PRH1: variants seen among roughly 807,000 people sequenced by gnomAD.
PRH1 encodes the protein proline rich protein HaeIII subfamily 1.
In PRH1, 7 loss-of-function variants were observed where a neutral mutation model predicts 7.9. The observed-to-expected ratio is 0.89, with a 90% CI of 0.50 to 1.67. The LOEUF is 1.67. Among genes scored for constraint, PRH1 ranks in the 40% most tolerant of loss-of-function variants. PRH1 has a pLI of 0.00. For missense variants in PRH1, 109 were observed against 223.6 expected, an observed-to-expected ratio of 0.49 and a Z score of 3.27; for synonymous variants, 45 against 80.8, an observed-to-expected ratio of 0.56 and a Z score of 2.38.
At chr12:11,061,361 G>A (rs755574779) in intron 1 of PRH1, 47 of 1,610,088 alleles carry the variant, frequency 2.9e-5, no homozygotes, top group Non-Finnish European at 3.7e-5. Flanking sequence ...CTGCTCTTGT[G>A]AATCTATGAA....
chr12:10,960,443 G>A (rs1938185254), intron 2 of PRH1, among the ~76,000 whole-genome samples: 1 of 152,230 alleles, frequency 6.6e-6, no homozygotes, highest in African/African-American at 2.4e-5. Flanking sequence ...ATGCTCTCTA[G>A]GATGTGGTAC....
At chr12:11,066,341 A>G (rs1415303245) in intron 1 of PRH1, among the ~76,000 whole-genome samples, 1 of 152,142 alleles carries the variant, frequency 6.6e-6, no homozygotes, top group Non-Finnish European at 1.5e-5. Flanking sequence ...CATAAAATGT[A>G]TCATTTGCTT....
At position 10,930,248 on chromosome 12, in the gene PRH1, C is replaced by T. The variant is rs369003453; in HGVS notation, c.-59+43407G>A. On this transcript the variant is annotated intron_variant, in intron 2 of 3. Transcript: ENST00000539853. ...TGATTCATGCAGTAACTTTTCCCATCATCCTGTACTTCTTTTCTAGATGTC... is the reference window on the plus strand; with the variant it reads ...TGATTCATGCAGTAACTTTTCCCATTATCCTGTACTTCTTTTCTAGATGTC... 99 of 1,612,032 alleles carry T rather than the reference C, an allele frequency of 6.1e-5. No homozygotes were observed. In the African/African-American group the frequency reaches 9.6e-4, roughly 16 times the overall value.
In PRH1 at chr12:10,899,703, C is replaced by T. The variant is rs140025021; in HGVS notation, c.-58-15428G>A. On this transcript the variant is annotated intron_variant, in intron 2 of 3. Coordinates refer to the PRH1 transcript ENST00000539853. ...AATGCCATGCTTCTTGTACAGCCTG[C>T]GGAACCATGAACTAAATAAACCTCT... Among the ~76,000 whole-genome samples the T allele has an allele frequency of 4.7e-4, 71 of 152,264 alleles. 1 individual carries two copies. Among genetic ancestry groups the T allele is most frequent in the Admixed American group, 2.5e-3 (38 of 15,292 alleles).
chr12:11,004,440 G>A (rs371551019), intron 1 of PRH1, among the ~76,000 whole-genome samples: 1 of 152,068 alleles, frequency 6.6e-6, no homozygotes, highest in East Asian at 1.9e-4. Context: ...CGGAGGCGGA[G>A]GTTGCGGTGA....
intron 1 of PRH1, among the ~76,000 whole-genome samples, chr12:11,113,615 G>C (rs145696441): frequency 0.29 from 44,036 of 152,078 alleles, 8,249 homozygotes; most frequent in East Asian, 0.74. Context: ...AAAAACCCTA[G>C]AAGAAAACCT....
At chr12:11,166,918 G>A (rs983687165) in intron 1 of PRH1, among the ~76,000 whole-genome samples, 17 of 152,066 alleles carry the variant, frequency 1.1e-4, no homozygotes, top group Non-Finnish European at 7.4e-5. Context: ...CCTTGGTTTG[G>A]GGCCTCCTTC....
chr12:10,930,286 G>T (rs776898585), intron 2 of PRH1: 1 of 1,613,216 alleles, frequency 6.2e-7, no homozygotes. Flanking sequence ...CCAAGAAGAC[G>T]TTCCCTTGGT....
At chr12:11,099,377 T>TGCC (rs35798059) in intron 1 of PRH1, among the ~76,000 whole-genome samples, 43,802 of 151,772 alleles carry the variant, frequency 0.29, 8,162 homozygotes, top group East Asian at 0.74. Context: ...ATCTCCAAGA[T>TGCC]GCCGAATTTG....
intron 2 of PRH1, among the ~76,000 whole-genome samples, chr12:10,899,057 T>A (rs4763590): frequency 6.6e-6 from 1 of 151,998 alleles, no homozygotes; most frequent in Non-Finnish European, 1.5e-5. Context: ...TGCCTACTGC[T>A]CCTCTCTTGT....
Position 11,021,991 on chromosome 12 carries a change from C to T in PRH1, c.-126+25029G>A, listed in dbSNP as rs201694653. 11 of 1,580,938 alleles carry T rather than the reference C, an allele frequency of 7.0e-6. No homozygotes were observed. The East Asian group carries it at 1.9e-4, about 27-fold the overall frequency. ...AAGAGAACAGATTAACAGCAGAAAA[C>T]ATATTAGGCTCAGAGTAAAGGGTAT... On this transcript the variant is annotated intron_variant, in intron 1 of 3. Transcript: ENST00000539853.
chr12:10,950,565 TTTGTA>T (rs1017025437), intron 2 of PRH1, among the ~76,000 whole-genome samples: 2 of 151,824 alleles, frequency 1.3e-5, no homozygotes, highest in African/African-American at 4.8e-5. Context: ...AATATACTTA[TTTGTA>T]TTATGTTGTT....
chr12:10,990,453 C>A (rs1939879113), intron 1 of PRH1, among the ~76,000 whole-genome samples: 1 of 152,168 alleles, frequency 6.6e-6, no homozygotes, highest in East Asian at 1.9e-4. Flanking sequence ...CAAGAAATTA[C>A]ACAAAGTCCA....
At chr12:11,064,686 G>A (rs1057398192) in intron 1 of PRH1, among the ~76,000 whole-genome samples, 4 of 152,036 alleles carry the variant, frequency 2.6e-5, no homozygotes, top group African/African-American at 9.7e-5. Context: ...ATTATTTTAT[G>A]CAGTAAACAT....
chr12:11,050,857 A>G (rs540604813), upstream of PRH1, among the ~76,000 whole-genome samples: 28 of 152,334 alleles, frequency 1.8e-4, no homozygotes, highest in Admixed American at 6.5e-4. Flanking sequence ...TTTTCCATTC[A>G]CCGTGAGAAC....
At chr12:11,097,474 G>A (rs182982226) in intron 1 of PRH1, among the ~76,000 whole-genome samples, 3 of 114,334 alleles carry the variant, frequency 2.6e-5, no homozygotes, top group African/African-American at 5.8e-5. Flanking sequence ...TTATTTACAC[G>A]AAAATTAAAT....
At chr12:11,132,280 TAAAA>T (rs892805913) in intron 1 of PRH1, among the ~76,000 whole-genome samples, 8 of 152,280 alleles carry the variant, frequency 5.3e-5, no homozygotes, top group African/African-American at 9.6e-5. Context: ...TTTTAACACT[TAAAA>T]AAAGTTTCAC....
chr12:10,920,978 T>A (rs991528049), intron 2 of PRH1, among the ~76,000 whole-genome samples: 1 of 152,112 alleles, frequency 6.6e-6, no homozygotes, highest in Non-Finnish European at 1.5e-5. Context: ...GATAATTTTA[T>A]GTAAATTAAA....
At chr12:11,016,558 C>T (rs142454314) in intron 1 of PRH1, among the ~76,000 whole-genome samples, 24 of 152,170 alleles carry the variant, frequency 1.6e-4, no homozygotes, top group Non-Finnish European at 3.5e-4. Flanking sequence ...CCAAGGTGGT[C>T]TGCAACTCTG....
Sources: allele counts gnomAD v4.1 joint callset (sites outside exome capture counted in the v4.1 genomes callset), GRCh38; gene constraint gnomAD v4.1.1; transcripts MANE v1.5; gene names NCBI Gene and HGNC (gene_info 2026-07-23, HGNC 2026-07-21).